Variants in TRPM1 observed in about 807,000 individuals in gnomAD.
TRPM1 encodes TRPM1-203 APA Isoform, Intron 10.
TRPM1 carries 113 observed loss-of-function variants against 149.4 expected under a neutral mutation model. That is an observed-to-expected ratio of 0.76 (90% confidence interval 0.65 to 0.88). TRPM1 has a LOEUF of 0.88. TRPM1 is among the 40% of genes least tolerant of loss of function. The pLI is 0.00. For missense variants in TRPM1, 1,976 were observed against 2,038.7 expected, an observed-to-expected ratio of 0.97 and a Z score of 0.59; for synonymous variants, 741 against 759.5, an observed-to-expected ratio of 0.98 and a Z score of 0.40.
At position 31,101,652 on chromosome 15, in the gene TRPM1, C is replaced by A. The variant is rs756034079; in HGVS notation, c.-84+5G>T. 1.0e-6 allele frequency: 1 copy of A among 985,788 alleles called. No individual in the cohort carries two copies. Among genetic ancestry groups the A allele is most frequent in the Non-Finnish European group, 1.2e-6 (1 of 830,178 alleles). 61.1% of individuals were successfully genotyped at this position (985,788 alleles called of 1,614,324 possible). The stretch of plus-strand genomic sequence containing the variant: ...TCACCTGTGCTTACCCGCATCTGAG[C>A]TTACCTGCCACAGCAGTGGAATGGA... On this transcript the variant is annotated splice_donor_5th_base_variant and intron_variant, in intron 1 of 27. Transcript: ENST00000256552.
chr15:31,103,277 T>C (rs2035551158), upstream of TRPM1, among the ~76,000 whole-genome samples: 2 of 152,180 alleles, frequency 1.3e-5, no homozygotes, highest in African/African-American at 2.4e-5. Flanking sequence ...CCAGGGTCCA[T>C]GCAGTGTGGC....
At position 31,009,224 on chromosome 15, in the gene TRPM1, G is replaced by A. The variant is rs570494854; in HGVS notation, c.3630-6154C>T. ...ACTTTAAAAACATAATGCAGGCCAT[G>A]GTGACCTGTGCCTGTAATCCCAGCT... On this transcript the variant is annotated intron_variant, in intron 27 of 27. Coordinates refer to ENST00000256552, the MANE Select transcript of TRPM1 (RefSeq NM_001252024.2). 2.0e-5 allele frequency among the ~76,000 whole-genome samples: 3 copies of A among 152,134 alleles called. No individual in the cohort carries two copies. The South Asian group carries it at 6.2e-4, about 32-fold the overall frequency.
chr15:31,141,588 G>C lies in TRPM1; in HGVS notation c.54+19318C>G, dbSNP rs186073752. ...AAGTGTGTATTTTTGATAGAAAAAT[G>C]TTGAAAAGAGAAAGTAATTTTTTTT... On this transcript the variant is annotated intron_variant, in intron 1 of 26. Transcript: ENST00000542188. Among the ~76,000 whole-genome samples the C allele has an allele frequency of 7.2e-4, 109 of 152,290 alleles. 1 individual carries two copies. Among genetic ancestry groups the C allele is most frequent in the Middle Eastern group, 3.4e-3 (1 of 294 alleles).
At chr15:31,088,048 G>A (rs953943021) in intron 1 of TRPM1, among the ~76,000 whole-genome samples, 1 of 152,202 alleles carries the variant, frequency 6.6e-6, no homozygotes, top group Non-Finnish European at 1.5e-5. Flanking sequence ...CTTCACTCTA[G>A]TCCTTGTGAG....
chr15:31,002,496 T>G lies in TRPM1; in HGVS notation c.4204A>C (p.Ser1402Arg). ...TGTATCACATCTGTTTTATTTAAACTTGGGGAAATAGTTTCTTCTTTTTTA... is the reference window on the plus strand; with the variant it reads ...TGTATCACATCTGTTTTATTTAAACGTGGGGAAATAGTTTCTTCTTTTTTA... ...DSKKEETISPSLNKTDVIHGQ... is the reference protein window; with the variant it reads ...DSKKEETISPRLNKTDVIHGQ... Residue 1402 changes from serine (S) to arginine (R), a missense_variant, in exon 28 of 28, where the codon AGT (serine) becomes CGT (arginine). Physicochemically the swap from Ser to Arg is moderately radical, Grantham distance 110. Around this residue, in one of 3 missense-constraint regions of TRPM1, gnomAD observed 572 missense variants for 578.9 expected, o/e 0.99. Transcript: ENST00000256552. 1 of 1,614,212 alleles carries G rather than the reference T, an allele frequency of 6.2e-7. No individual in the cohort carries two copies. The highest frequency in any genetic ancestry group is 8.5e-7 in the Non-Finnish European group (1 of 1,180,028).
chr15:31,033,092 G>A (rs996381130), intron 21 of TRPM1, 152 bp from the exon 22 acceptor site: 12 of 1,038,214 alleles, frequency 1.2e-5, no homozygotes, highest in Non-Finnish European at 1.7e-5. Context: ...CAGGCAGGGA[G>A]AGATATCTAG....
chr15:31,006,702 T>C (rs907634267), intron 27 of TRPM1, among the ~76,000 whole-genome samples: 3 of 152,220 alleles, frequency 2.0e-5, no homozygotes, highest in Admixed American at 2.0e-4. Context: ...GCCCAACCAT[T>C]TTTCAGAGTG....
intron 27 of TRPM1, among the ~76,000 whole-genome samples, chr15:31,021,702 T>TAAAAAAAAA (rs34186876): frequency 8.4e-6 from 1 of 119,362 alleles, no homozygotes; most frequent in Non-Finnish European, 1.8e-5. Context: ...TCTCTAGAAT[T>TAAAAAAAAA]AAAAAAAAAA....
rs191769699 is a variant in TRPM1 at position 31,060,308 on chromosome 15, G to T, written c.1263+236C>A. 2.0e-3 allele frequency: 1,180 copies of T among 577,408 alleles called. 15 individuals are homozygous for T. The highest frequency in any genetic ancestry group is 6.6e-4 in the Non-Finnish European group (216 of 325,340). 35.8% of individuals were successfully genotyped at this position (577,408 alleles called of 1,614,324 possible). A position where few individuals can be genotyped will look rare whatever the true frequency, so the allele number is the denominator to read the frequency against. On this transcript the variant is annotated intron_variant, in intron 11 of 27. Coordinates refer to ENST00000256552, the MANE Select transcript of TRPM1 (RefSeq NM_001252024.2). ...GTAAAAACCCACTTTCATCAGCAAC[G>T]ATAAAATATTTGGTGATTAATTTCT...
chr15:31,034,535 C>T (rs879838768), intron 21 of TRPM1, among the ~76,000 whole-genome samples: 3 of 152,200 alleles, frequency 2.0e-5, no homozygotes, highest in Non-Finnish European at 4.4e-5. Context: ...AGACAGACTC[C>T]ACAGTGTCCA....
At position 31,029,407 on chromosome 15, in the gene TRPM1, A is replaced by AACC. The variant is rs773243273; in HGVS notation, c.3128-17_3128-16insGGT. On this transcript the variant is annotated splice_polypyrimidine_tract_variant and intron_variant, in intron 23 of 27. Coordinates refer to ENST00000256552, the MANE Select transcript of TRPM1 (RefSeq NM_001252024.2). ...ATGGCGTAGACTACATGACGATTGG[A>AACC]AAGCAGGATTTTTGTTTTGTTTTGT... 1.9e-6 allele frequency: 3 copies of AACC among 1,613,722 alleles called. No homozygotes were observed. The Admixed American group carries it at 5.0e-5, about 27-fold the overall frequency.
intron 1 of TRPM1, among the ~76,000 whole-genome samples, chr15:31,126,620 T>G (rs1029978584): frequency 1.3e-5 from 2 of 152,100 alleles, no homozygotes; most frequent in Non-Finnish European, 2.9e-5. Flanking sequence ...GCCAGAAGAT[T>G]TTTTTTATTA....
Position 31,081,347 on chromosome 15 carries a change from A to G in TRPM1, c.3+6T>C. 1.3e-6 allele frequency: 2 copies of G among 1,513,706 alleles called. No homozygotes were observed. Among genetic ancestry groups the G allele is most frequent in the East Asian group, 2.5e-5 (1 of 40,790 alleles). 93.8% of individuals were successfully genotyped at this position (1,513,706 alleles called of 1,614,324 possible). On this transcript the variant is annotated splice_donor_region_variant and intron_variant, in intron 2 of 27. Transcript: ENST00000256552. ...GAAGGTGGAAGTGCTTTACTTAGGTATTAACCATGAGTTTTCAAAAAGTTG... is the reference window on the plus strand; with the variant it reads ...GAAGGTGGAAGTGCTTTACTTAGGTGTTAACCATGAGTTTTCAAAAAGTTG...
At chr15:31,158,511 C>T (rs2036405503) in intron 1 of TRPM1, among the ~76,000 whole-genome samples, 1 of 150,610 alleles carries the variant, frequency 6.6e-6, no homozygotes, top group Non-Finnish European at 1.5e-5. Flanking sequence ...CCTGTAGTCC[C>T]AACTACTTGG....
chr15:31,013,499 G>A (rs1306332433), intron 27 of TRPM1, among the ~76,000 whole-genome samples: 1 of 151,990 alleles, frequency 6.6e-6, no homozygotes, highest in Non-Finnish European at 1.5e-5. Flanking sequence ...TAAAATAGTT[G>A]AGTTAAACTC....
At position 31,061,472 on chromosome 15, in the gene TRPM1, C is replaced by T. The variant is rs764780944; in HGVS notation, c.1132G>A (p.Glu378Lys). 4 of 1,614,094 alleles carry T rather than the reference C, an allele frequency of 2.5e-6. No individual in the cohort carries two copies. Among genetic ancestry groups the T allele is most frequent in the South Asian group, 1.1e-5 (1 of 91,068 alleles). The change falls in exon 10 of 28, where the codon GAG (glutamate) becomes AAG (lysine). Residue 378 changes from glutamate to lysine, a missense_variant. Glu to Lys is a moderately conservative substitution (Grantham distance 56). Coordinates refer to ENST00000256552, the MANE Select transcript of TRPM1 (RefSeq NM_001252024.2). ...AGCAGGGCAGTTAAAATTGCCATCT[C>T]GATGTCCTGCTGGCCCTCAGAACCC... ...RMGSEGQQDI[E>K]MAILTALLKG...
At chr15:31,127,083 G>A (rs1384161695) in intron 1 of TRPM1, among the ~76,000 whole-genome samples, 1 of 152,214 alleles carries the variant, frequency 6.6e-6, no homozygotes, top group Non-Finnish European at 1.5e-5. Context: ...GAGAAATCAA[G>A]GTGTTAAGCA....
intron 1 of TRPM1, among the ~76,000 whole-genome samples, chr15:31,088,564 C>T (rs747582027): frequency 2.6e-5 from 4 of 152,208 alleles, no homozygotes; most frequent in Admixed American, 6.5e-5. Flanking sequence ...AAGTCTGCGG[C>T]TTCACTGCTG....
chr15:31,113,940 T>G (rs2035760451), intron 1 of TRPM1, among the ~76,000 whole-genome samples: 1 of 151,048 alleles, frequency 6.6e-6, no homozygotes, highest in African/African-American at 2.5e-5. Flanking sequence ...CCTGCCCATG[T>G]CCTGCAGATT....
Sources: gnomAD v4.1 joint callset for allele counts (sites outside exome capture counted in the v4.1 genomes callset) on GRCh38, gnomAD v4.1.1 for gene constraint, gnomAD v4.1.1 regional missense constraint, MANE v1.5 for transcripts, NCBI Gene and HGNC (gene_info 2026-07-23, HGNC 2026-07-21) for gene names.